Variants in PRRC2B observed in about 807,000 individuals in gnomAD.
PRRC2B encodes proline rich coiled-coil 2B, also known as protein PRRC2B.
PRRC2B carries 68 observed loss-of-function variants against 242.3 expected under a neutral mutation model. The ratio of observed to expected loss-of-function variants is 0.28; its 90% CI spans 0.23 to 0.34. PRRC2B has a LOEUF of 0.34. Among genes scored for constraint, PRRC2B ranks in the 10% least tolerant of loss-of-function variants. The pLI is 1.00. For synonymous variants in PRRC2B, 1,228 were observed against 1,173.6 expected, an observed-to-expected ratio of 1.05 and a Z score of -0.95; for missense variants, 2,835 against 2,954.8, an observed-to-expected ratio of 0.96 and a Z score of 0.94.
At chr9:131,486,058 A>G (rs780119005) in intron 25 of PRRC2B, 27 bp from the exon 26 acceptor site, 4 of 1,469,100 alleles carry the variant, frequency 2.7e-6, no homozygotes, top group East Asian at 4.6e-5. Context: ...ATCCTCTTCT[A>G]CGTCCCTTTT....
chr9:131,485,882 A>C (rs750777667), intron 25 of PRRC2B: 1 of 714,830 alleles, frequency 1.4e-6, no homozygotes, highest in African/African-American at 1.7e-5. Context: ...CACCCTCCCT[A>C]CGTTCCCTGA....
At position 131,491,406 on chromosome 9, in the gene PRRC2B, T is replaced by G; in HGVS notation, c.6226-19T>G. Reference sequence around the variant, plus strand: ...CCATAGCATCATTCCCCCTCCTGACTGTCATTGTCGCCCAGCAGCTGACCA... The same window carrying G: ...CCATAGCATCATTCCCCCTCCTGACGGTCATTGTCGCCCAGCAGCTGACCA... On this transcript the variant is annotated intron_variant, in intron 28 of 31. Coordinates refer to ENST00000683519, the MANE Select transcript of PRRC2B (RefSeq NM_013318.4). 2 of 1,576,434 alleles carry G rather than the reference T, an allele frequency of 1.3e-6. No homozygotes were observed. The highest frequency in any genetic ancestry group is 1.2e-5 in the South Asian group (1 of 84,912).
chr9:131,406,382 T>C (rs1266375306), intron 1 of PRRC2B, among the ~76,000 whole-genome samples: 1 of 152,058 alleles, frequency 6.6e-6, no homozygotes, highest in East Asian at 1.9e-4. Flanking sequence ...CTGTGTCTAG[T>C]CTGTTGTGTT....
chr9:131,485,119 G>C lies in PRRC2B; in HGVS notation c.5737G>C (p.Ala1913Pro), dbSNP rs1943981826. ...SMPPMPVASV[A>P]PSASMPGSHL... Reference sequence around the variant, plus strand: ...GCCACCCATGCCTGTGGCCTCTGTAGCACCTTCTGCTTCTATGCCAGGTAT... The same window carrying C: ...GCCACCCATGCCTGTGGCCTCTGTACCACCTTCTGCTTCTATGCCAGGTAT... The change falls in exon 25 of 32, where the codon GCA (alanine) becomes CCA (proline). Residue 1913 changes from alanine (A) to proline (P), a missense_variant. By Grantham distance (27) the Ala-to-Pro change is conservative. This residue lies in a region of PRRC2B where 574 missense variants were observed against 626.0 expected (regional missense o/e 0.92). Transcript: ENST00000683519. The C allele has an allele frequency of 6.3e-7, 1 of 1,593,368 alleles. No individual in the cohort carries two copies. The highest frequency in any genetic ancestry group is 8.6e-7 in the Non-Finnish European group (1 of 1,168,798).
chr9:131,477,808 T>C lies in PRRC2B; in HGVS notation c.4471T>C (p.Tyr1491His). 1.2e-6 allele frequency: 2 copies of C among 1,607,876 alleles called. No homozygotes were observed. Among genetic ancestry groups the C allele is most frequent in the Non-Finnish European group, 1.7e-6 (2 of 1,176,196 alleles). ...GCSSGSGHSP[Y>H]ALERAAHASA... ...CAGCAGTGGGAGTGGCCACTCCCCC[T>C]ATGCCCTGGAGCGGGCAGCCCATGC... The change falls in exon 17 of 32, where the codon TAT becomes CAT. Residue 1491 changes from tyrosine to histidine, a missense_variant. By Grantham distance (83) the Tyr-to-His change is moderately conservative. This residue lies in a region of PRRC2B where 1,536 missense variants were observed against 1,483.1 expected (regional missense o/e 1.04). Transcript: ENST00000683519.
Position 131,471,529 on chromosome 9 carries a change from C to G in PRRC2B, c.2107+546C>G, listed in dbSNP as rs533550996. Among the ~76,000 whole-genome samples, 4 of 152,208 alleles carry G rather than the reference C, an allele frequency of 2.6e-5. No homozygotes were observed. The South Asian group carries it at 8.3e-4, about 32-fold the overall frequency. ...ATAATATGGTCTGTGTGATACAGAC[C>G]AGGGGTCAGCAAACTTCTACTAATG... On this transcript the variant is annotated intron_variant, in intron 14 of 31. Transcript: ENST00000683519.
intron 1 of PRRC2B, among the ~76,000 whole-genome samples, chr9:131,417,838 G>T (rs1361761616): frequency 1.3e-5 from 2 of 152,210 alleles, no homozygotes; most frequent in African/African-American, 4.8e-5. Context: ...GTACACGGGT[G>T]TGGGAGTATT....
chr9:131,474,982 G>A lies in PRRC2B; in HGVS notation c.2853G>A (p.Lys951=). ...PIKKPVLKAL[K]VEDKEKELEK... is the part of the protein sequence containing the mutation. Reference sequence around the variant, plus strand: ...AGAAACCAGTCCTGAAAGCCCTCAAGGTGGAAGACAAGGAGAAGGAGCTTG... The same window carrying A: ...AGAAACCAGTCCTGAAAGCCCTCAAAGTGGAAGACAAGGAGAAGGAGCTTG... Residue 951 remains lysine, a synonymous_variant, in exon 16 of 32, where the codon AAG becomes AAA. Coordinates refer to ENST00000683519, the MANE Select transcript of PRRC2B (RefSeq NM_013318.4). The A allele has an allele frequency of 1.3e-6, 2 of 1,599,362 alleles. No individual in the cohort carries two copies. The highest frequency in any genetic ancestry group is 1.7e-6 in the Non-Finnish European group (2 of 1,173,158).
intron 15 of PRRC2B, among the ~76,000 whole-genome samples, chr9:131,474,092 C>T (rs1018876587): frequency 1.6e-4 from 25 of 152,108 alleles, no homozygotes; most frequent in Non-Finnish European, 3.1e-4. Context: ...AGACTCTTCA[C>T]GGCCTCCCAG....
chr9:131,475,479 G>A lies in PRRC2B; in HGVS notation c.3350G>A (p.Arg1117Gln), dbSNP rs769349458. 4.4e-6 allele frequency: 7 copies of A among 1,593,508 alleles called. No individual in the cohort carries two copies. Among genetic ancestry groups the A allele is most frequent in the Admixed American group, 3.5e-5 (2 of 56,710 alleles). Residue 1117 changes from arginine to glutamine, a missense_variant, in exon 16 of 32, where the codon CGG (arginine) becomes CAG (glutamine). Physicochemically the swap from Arg to Gln is conservative, Grantham distance 43. Coordinates refer to ENST00000683519, the MANE Select transcript of PRRC2B (RefSeq NM_013318.4). ...GGCCGGGGCCTGCGAGAGTTTGCGC[G>A]GCCAGAGGACTGCCCCAGAGCCAAG... is the stretch of plus-strand genomic sequence containing the variant. ...GRGRGLREFARPEDCPRAKPR... is the reference protein window; with the variant it reads ...GRGRGLREFAQPEDCPRAKPR...
rs542942094 is a variant in PRRC2B, at chr9:131,470,658, C to T, written c.1912-130C>T. The T allele has an allele frequency of 8.8e-5, 60 of 684,274 alleles. No individual in the cohort carries two copies. The Admixed American group carries it at 1.4e-3, about 16-fold the overall frequency. 42.4% of individuals were successfully genotyped at this position (684,274 alleles called of 1,614,324 possible). A position where few individuals can be genotyped will look rare whatever the true frequency, so the allele number is the denominator to read the frequency against. On this transcript the variant is annotated intron_variant, in intron 13 of 31. Coordinates refer to ENST00000683519, the MANE Select transcript of PRRC2B (RefSeq NM_013318.4). ...CCCCTTGAGCAGCTGCCCATCCCTCCCCTCCTTGGTCTTCTGTTCTAGGTG... is the reference window on the plus strand; with the variant it reads ...CCCCTTGAGCAGCTGCCCATCCCTCTCCTCCTTGGTCTTCTGTTCTAGGTG...
intron 6 of PRRC2B, 86 bp downstream of exon 6, chr9:131,444,414 C>A: frequency 1.4e-6 from 2 of 1,418,890 alleles, no homozygotes; most frequent in Non-Finnish European, 1.9e-6. Context: ...GGTGCTGATG[C>A]CACTGGGGTC....
intron 1 of PRRC2B, among the ~76,000 whole-genome samples, chr9:131,377,851 G>A (rs1055023634): frequency 6.6e-6 from 1 of 152,152 alleles, no homozygotes; most frequent in Non-Finnish European, 1.5e-5. Flanking sequence ...AATTTCTTGG[G>A]CTGAAGTGAT....
At chr9:131,403,571 T>C (rs908377930) in intron 1 of PRRC2B, among the ~76,000 whole-genome samples, 6 of 150,386 alleles carry the variant, frequency 4.0e-5, no homozygotes, top group African/African-American at 1.2e-4. Context: ...CCCAGGCTGG[T>C]CGCAAACTCC....
intron 19 of PRRC2B, among the ~76,000 whole-genome samples, chr9:131,481,006 TA>T (rs34825859): frequency 8.9e-5 from 13 of 146,588 alleles, no homozygotes; most frequent in Admixed American, 2.0e-4. Flanking sequence ...CTCTATTGTT[TA>T]AAAAAAAAAG....
intron 12 of PRRC2B, 33 bp from the exon 13 acceptor site, chr9:131,467,530 A>G (rs750368555): frequency 1.4e-5 from 22 of 1,530,280 alleles, no homozygotes; most frequent in Non-Finnish European, 1.8e-5. Flanking sequence ...CTGTGAGCTC[A>G]CTGTGTCATT....
intron 1 of PRRC2B, among the ~76,000 whole-genome samples, chr9:131,414,576 T>C (rs554986853): frequency 1.6e-4 from 24 of 149,204 alleles, no homozygotes; most frequent in Middle Eastern, 3.5e-3. Flanking sequence ...TCTTGGGCTT[T>C]TTTTTTTTTT....
chr9:131,489,193 T>C (rs1944113504), intron 28 of PRRC2B, among the ~76,000 whole-genome samples: 1 of 151,322 alleles, frequency 6.6e-6, no homozygotes, highest in Admixed American at 6.6e-5. Flanking sequence ...TCTTTTTTTT[T>C]TTTTTTTTTG....
At chr9:131,481,311 CA>C (rs11404767) in intron 19 of PRRC2B, among the ~76,000 whole-genome samples, 333 of 79,264 alleles carry the variant, frequency 4.2e-3, no homozygotes, top group African/African-American at 0.017. Flanking sequence ...ACTCCGTCTC[CA>C]AAAAAAAAAA....
Sources: gnomAD v4.1 joint callset for allele counts (sites outside exome capture counted in the v4.1 genomes callset) on GRCh38, gnomAD v4.1.1 for gene constraint, gnomAD v4.1.1 regional missense constraint, MANE v1.5 for transcripts, NCBI Gene and HGNC (gene_info 2026-07-23, HGNC 2026-07-21) for gene names.